The following KCNJ5 variants were observed in gnomAD, a reference collection of about 807,000 sequenced individuals.
KCNJ5 encodes the protein potassium inwardly rectifying channel subfamily J member 5.
A neutral mutation model predicts 20.2 loss-of-function variants in KCNJ5; 12 were observed. That is an observed-to-expected ratio of 0.59 (90% CI 0.38 to 0.96). The LOEUF is 0.96. Among genes scored for constraint, KCNJ5 ranks in the 40% least tolerant of loss-of-function variants. The pLI, the probability that KCNJ5 is intolerant of heterozygous loss-of-function variation, is 0.00. For missense variants in KCNJ5, 449 were observed against 557.6 expected (o/e 0.81, Z 1.96); for synonymous variants, 210 against 213.9 (o/e 0.98, Z 0.16).
rs1222437178 is a variant in KCNJ5 at position 128,916,473 on chromosome 11, A to T, written c.1002A>T (p.Thr334=). Reference sequence around the variant, plus strand: ...AGGTGCTCTGGGGCCACCGATTCACACCAGTCCTCACCTTGGAAAAGGGCT... The same window carrying T: ...AGGTGCTCTGGGGCCACCGATTCACTCCAGTCCTCACCTTGGAAAAGGGCT... ...DTEVLWGHRF[T]PVLTLEKGFY... Residue 334 remains threonine, a synonymous_variant, in exon 3 of 3, where the codon ACA becomes ACT. Transcript: ENST00000529694. The T allele has an allele frequency of 3.7e-6, 6 of 1,614,082 alleles. No individual in the cohort carries two copies. Among genetic ancestry groups the T allele is most frequent in the Non-Finnish European group, 5.1e-6 (6 of 1,180,036 alleles).
rs373337170 is a variant in KCNJ5 at position 128,898,965 on chromosome 11, C to A, written c.-11+7244C>A. On this transcript the variant is annotated intron_variant, in intron 1 of 2. Transcript: ENST00000529694. Reference sequence around the variant, plus strand: ...ACAGTTCTGGGATTACAGGCGTGAGCCGCCGTGCCTGGCCTTTCCTATTTC... The same window carrying A: ...ACAGTTCTGGGATTACAGGCGTGAGACGCCGTGCCTGGCCTTTCCTATTTC... 1.1e-4 allele frequency among the ~76,000 whole-genome samples: 16 copies of A among 152,370 alleles called. No individual in the cohort carries two copies. In the East Asian group the frequency reaches 2.7e-3, roughly 26 times the overall value.
intron 1 of KCNJ5, chr11:128,902,798 G>T: frequency 1.4e-6 from 2 of 1,437,980 alleles, no homozygotes; most frequent in South Asian, 1.4e-5. Flanking sequence ...AACTCACAAC[G>T]CAGCCCAACA....
rs886047996 is a variant in KCNJ5, at chr11:128,891,437, C to CAGAGAGAGAGAGAGAGAGAGAG, written c.-294_-293insGAGAGAGAGAGAGAGAGAGAGA. On this transcript the variant is annotated 5_prime_UTR_variant, in exon 1 of 3. Transcript: ENST00000529694. ...ACACACACACACACACACACACACA[C>CAGAGAGAGAGAGAGAGAGAGAG]ACACAGAGAGAGAGAGAGAGAGAGA... is the stretch of plus-strand genomic sequence containing the variant. The CAGAGAGAGAGAGAGAGAGAGAG allele has an allele frequency of 1.6e-4, 12 of 74,406 alleles. No homozygotes were observed. Among genetic ancestry groups the CAGAGAGAGAGAGAGAGAGAGAG allele is most frequent in the South Asian group, 6.3e-4 (1 of 1,592 alleles). The allele number at this position is 74,406 out of a possible 1,614,324, so 4.6% of individuals were successfully genotyped here. A position where few individuals can be genotyped will look rare whatever the true frequency, so the allele number is the denominator to read the frequency against.
intron 1 of KCNJ5, among the ~76,000 whole-genome samples, chr11:128,894,777 G>A (rs568863051): frequency 7.5e-4 from 114 of 152,344 alleles, no homozygotes; most frequent in Non-Finnish European, 1.4e-3. Flanking sequence ...CCCTGCCTGT[G>A]CAGCAGCAGC....
At chr11:128,902,533 A>C (rs1227827017) in intron 1 of KCNJ5, 1 of 1,579,376 alleles carries the variant, frequency 6.3e-7, no homozygotes, top group Non-Finnish European at 8.6e-7. Flanking sequence ...TGGGGAGCAC[A>C]GGGCTATTGG....
intron 1 of KCNJ5, among the ~76,000 whole-genome samples, chr11:128,895,100 G>C (rs1016278193): frequency 6.6e-6 from 1 of 152,006 alleles, no homozygotes; most frequent in African/African-American, 2.4e-5. Context: ...GTGAGGGTGG[G>C]GGAGAAATGG....
At chr11:128,892,103 G>A (rs1944101616) in intron 1 of KCNJ5, among the ~76,000 whole-genome samples, 1 of 152,230 alleles carries the variant, frequency 6.6e-6, no homozygotes, top group Admixed American at 6.5e-5. Context: ...GGAGGGCCAG[G>A]ATGGGGGGCG....
At chr11:128,901,813 C>T (rs1402331019) in intron 1 of KCNJ5, 2 of 152,546 alleles carry the variant, frequency 1.3e-5, no homozygotes, top group African/African-American at 4.8e-5. Flanking sequence ...CCCTCACCCA[C>T]CTGAGATGCC....
In KCNJ5 at chr11:128,909,278, A is replaced by G. The variant is rs149730434; in HGVS notation, c.-10-1986A>G. 5.3e-5 allele frequency among the ~76,000 whole-genome samples: 8 copies of G among 152,320 alleles called. No individual in the cohort carries two copies. The East Asian group carries it at 1.5e-3, about 29-fold the overall frequency. On this transcript the variant is annotated intron_variant, in intron 1 of 2. Transcript: ENST00000529694. ...TTCCAGGTTGTTCTACTGGGGACACAGCTTCCCGGTGTTCTGCCTGGTGGA... is the reference window on the plus strand; with the variant it reads ...TTCCAGGTTGTTCTACTGGGGACACGGCTTCCCGGTGTTCTGCCTGGTGGA...
chr11:128,902,710 A>G lies in KCNJ5; in HGVS notation c.-10-8554A>G, dbSNP rs1230791240. 1.9e-6 allele frequency: 3 copies of G among 1,604,574 alleles called. No homozygotes were observed. In the South Asian group the frequency reaches 3.3e-5, roughly 18 times the overall value. ...AGGACTGACAGGTAATGTTTGTGGC[A>G]GACCTGTTGGTGCAAACAGGGAGGC... On this transcript the variant is annotated intron_variant, in intron 1 of 2. Coordinates refer to ENST00000529694, the MANE Select transcript of KCNJ5 (RefSeq NM_000890.5).
intron 1 of KCNJ5, among the ~76,000 whole-genome samples, chr11:128,894,124 A>G (rs1317709907): frequency 6.6e-6 from 1 of 151,916 alleles, no homozygotes; most frequent in Non-Finnish European, 1.5e-5. Flanking sequence ...CGGTGGGCGA[A>G]GCCACAAACA....
intron 1 of KCNJ5, among the ~76,000 whole-genome samples, chr11:128,909,344 T>A (rs1382846644): frequency 1.3e-5 from 2 of 152,190 alleles, no homozygotes; most frequent in African/African-American, 4.8e-5. Flanking sequence ...GGCAGGGGAA[T>A]TCCTGCAAGG....
At chr11:128,892,121 C>T (rs1944102076) in intron 1 of KCNJ5, among the ~76,000 whole-genome samples, 1 of 152,224 alleles carries the variant, frequency 6.6e-6, no homozygotes, top group African/African-American at 2.4e-5. Context: ...GCGGTGCCCC[C>T]CTCAGCCTTA....
rs1441223484 is a variant in KCNJ5 at position 128,919,535 on chromosome 11, C to CTGG, written c.*2807_*2809dup. The CTGG allele has an allele frequency of 6.6e-6, 1 of 152,302 alleles. No homozygotes were observed. Among genetic ancestry groups the CTGG allele is most frequent in the African/African-American group, 2.4e-5 (1 of 41,468 alleles). 9.4% of individuals were successfully genotyped at this position (152,302 alleles called of 1,614,324 possible). On this transcript the variant is annotated 3_prime_UTR_variant, in exon 3 of 3. Coordinates refer to ENST00000529694, the MANE Select transcript of KCNJ5 (RefSeq NM_000890.5). ...TTCACATCCTGAGGAAATCCCCTTC[C>CTGG]TGGTGACCAACTGATGCAATGAAAG... is the stretch of plus-strand genomic sequence containing the variant.
At chr11:128,916,002 ATGG>A (rs1944573298) in intron 2 of KCNJ5, among the ~76,000 whole-genome samples, 1 of 150,130 alleles carries the variant, frequency 6.7e-6, no homozygotes, top group Non-Finnish European at 1.5e-5. Flanking sequence ...GGATGGATGG[ATGG>A]ATGGATGATT....
At chr11:128,894,020 T>C (rs879792547) in intron 1 of KCNJ5, among the ~76,000 whole-genome samples, 1 of 152,210 alleles carries the variant, frequency 6.6e-6, no homozygotes, top group Non-Finnish European at 1.5e-5. Context: ...TAGTCATCCG[T>C]GATGAAGTAA....
At chr11:128,915,901 GGATA>G (rs1435507985) in intron 2 of KCNJ5, among the ~76,000 whole-genome samples, 4 of 148,578 alleles carry the variant, frequency 2.7e-5, no homozygotes, top group African/African-American at 1.0e-4. Context: ...TAGGATAGAT[GGATA>G]GATAATTGGA....
Position 128,898,645 on chromosome 11 carries a change from C to T in KCNJ5, c.-11+6924C>T, listed in dbSNP as rs559472130. 1.1e-4 allele frequency among the ~76,000 whole-genome samples: 17 copies of T among 152,302 alleles called. No homozygotes were observed. In the South Asian group the frequency reaches 3.5e-3, roughly 32 times the overall value. On this transcript the variant is annotated intron_variant, in intron 1 of 2. Coordinates refer to ENST00000529694, the MANE Select transcript of KCNJ5 (RefSeq NM_000890.5). Reference sequence around the variant, plus strand: ...TTGTCCTTTGCTTTTTTAAATCCTTCTTTCATTCTCAACTCCTTACTCTGA... The same window carrying T: ...TTGTCCTTTGCTTTTTTAAATCCTTTTTTCATTCTCAACTCCTTACTCTGA...
At chr11:128,913,840 C>T (rs1167657662) in intron 2 of KCNJ5, among the ~76,000 whole-genome samples, 3 of 152,206 alleles carry the variant, frequency 2.0e-5, no homozygotes, top group Admixed American at 6.5e-5. Flanking sequence ...AAAATACTAG[C>T]GGCCTGTCAG....
Sources: allele counts gnomAD v4.1 joint callset (sites outside exome capture counted in the v4.1 genomes callset), GRCh38; gene constraint gnomAD v4.1.1; transcripts MANE v1.5; gene names NCBI Gene and HGNC (gene_info 2026-07-23, HGNC 2026-07-21).